The following SOD2 variants were observed in gnomAD, a reference collection of about 807,000 sequenced individuals.
The protein encoded by SOD2 is superoxide dismutase 2, also known as superoxide dismutase [Mn], mitochondrial.
Under a neutral mutation model 27.0 loss-of-function variants are expected in SOD2, and 11 were observed. The ratio of observed to expected loss-of-function variants is 0.41; its 90% CI spans 0.26 to 0.67. The LOEUF is 0.67. SOD2 is among the 30% of genes least tolerant of loss of function. The pLI, the probability that SOD2 is intolerant of heterozygous loss-of-function variation, is 0.34. For synonymous variants in SOD2, 105 were observed against 103.0 expected (o/e 1.02, Z -0.12); for missense variants, 250 against 274.5 (o/e 0.91, Z 0.63).
At chr6:159,715,982 TA>T (rs1777916220) in intron 1 of SOD2, among the ~76,000 whole-genome samples, 1 of 152,232 alleles carries the variant, frequency 6.6e-6, no homozygotes, top group Admixed American at 6.5e-5. Context: ...TTTTGTCTTA[TA>T]AAAGTTTGGT....
chr6:159,750,816 AT>A (rs1282667727), intron 1 of SOD2, among the ~76,000 whole-genome samples: 1 of 147,708 alleles, frequency 6.8e-6, no homozygotes. Flanking sequence ...TACATCACTA[AT>A]TTGAAACAAA....
intron 1 of SOD2, among the ~76,000 whole-genome samples, chr6:159,759,023 A>C (rs1301516265): frequency 6.6e-6 from 1 of 151,698 alleles, no homozygotes; most frequent in Non-Finnish European, 1.5e-5. Context: ...CAGTCCAGGT[A>C]GTTTATGATT....
exon 1 of SOD2, chr6:159,727,177 GA>G: frequency 8.3e-7 from 1 of 1,206,604 alleles, no homozygotes; most frequent in Non-Finnish European, 1.1e-6. Context: ...AGGCTCCTGG[GA>G]AAGGACGGGG....
In SOD2 at chr6:159,713,354, C is replaced by G; in HGVS notation, c.-116+13775G>C. On this transcript the variant is annotated intron_variant, in intron 1 of 2. Transcript: ENST00000401980. Reference sequence around the variant, plus strand: ...GCCAATGCTATTACACCTCAGCCAGCCCCTGGCCTATCACTGGGACCTGGC... The same window carrying G: ...GCCAATGCTATTACACCTCAGCCAGGCCCTGGCCTATCACTGGGACCTGGC... 1.7e-5 allele frequency: 11 copies of G among 653,900 alleles called. 1 individual carries two copies. In the South Asian group the frequency reaches 2.1e-4, roughly 12 times the overall value. The allele number at this position is 653,900 out of a possible 1,614,324, so 40.5% of individuals were successfully genotyped here.
At position 159,681,094 on chromosome 6, in the gene SOD2, C is replaced by T. The variant is rs1049337773; in HGVS notation, c.*1399G>A. ...GTAAATTAGGCAGATGATGAAACAA[C>T]ATGGCAAATGTATGATGCTAAGCCA... On this transcript the variant is annotated 3_prime_UTR_variant, in exon 5 of 5. Transcript: ENST00000538183. 4 of 152,132 alleles carry T rather than the reference C, an allele frequency of 2.6e-5. No homozygotes were observed. Among genetic ancestry groups the T allele is most frequent in the African/African-American group, 7.2e-5 (3 of 41,500 alleles). 9.4% of individuals were successfully genotyped at this position (152,132 alleles called of 1,614,324 possible).
intron 3 of SOD2, among the ~76,000 whole-genome samples, chr6:159,685,505 G>T (rs1424191280): frequency 2.6e-5 from 4 of 152,104 alleles, no homozygotes; most frequent in Non-Finnish European, 4.4e-5. Flanking sequence ...GCCTCCCAAA[G>T]TGCTGGGAAT....
intron 1 of SOD2, chr6:159,713,644 G>A: frequency 9.8e-7 from 1 of 1,023,976 alleles, no homozygotes; most frequent in South Asian, 1.3e-5. Flanking sequence ...CCAAATGGAA[G>A]TCCTCTAAGC....
chr6:159,757,813 G>A (rs1156728385), intron 1 of SOD2, among the ~76,000 whole-genome samples: 1 of 152,192 alleles, frequency 6.6e-6, no homozygotes, highest in African/African-American at 2.4e-5. Flanking sequence ...ATCAGATACT[G>A]TGTTTGGCTT....
At chr6:159,730,467 A>G (rs770179734), upstream of SOD2, among the ~76,000 whole-genome samples, 10 of 152,202 alleles carry the variant, frequency 6.6e-5, no homozygotes, top group Non-Finnish European at 1.3e-4. Flanking sequence ...GCCCTGGGGA[A>G]TACCAAACTT....
chr6:159,731,343 C>T (rs946565711), upstream of SOD2, among the ~76,000 whole-genome samples: 1 of 151,862 alleles, frequency 6.6e-6, no homozygotes, highest in African/African-American at 2.4e-5. Context: ...TGGTTCATGC[C>T]TGTGATCCCA....
chr6:159,754,998 T>G, intron 1 of SOD2: 1 of 1,561,590 alleles, frequency 6.4e-7, no homozygotes, highest in Non-Finnish European at 8.7e-7. Context: ...ATAAACGATA[T>G]TAAAGTTGGT....
chr6:159,751,136 AACT>A (rs1454039099), intron 1 of SOD2, among the ~76,000 whole-genome samples: 1 of 152,176 alleles, frequency 6.6e-6, no homozygotes, highest in Non-Finnish European at 1.5e-5. Context: ...TTTCAAAAAC[AACT>A]ACTTGTAATT....
At position 159,712,002 on chromosome 6, in the gene SOD2, T is replaced by A. The variant is rs566422930; in HGVS notation, c.-116+15127A>T. ...ACCACTCACACTGCTCAGACCTCCATAACCACCTCCATAACCACCACTCAC... is the reference window on the plus strand; with the variant it reads ...ACCACTCACACTGCTCAGACCTCCAAAACCACCTCCATAACCACCACTCAC... On this transcript the variant is annotated intron_variant, in intron 1 of 2. Transcript: ENST00000401980. Among the ~76,000 whole-genome samples the A allele has an allele frequency of 9.4e-3, 728 of 77,632 alleles. 95 individuals are homozygous for A. The highest frequency in any genetic ancestry group is 0.037 in the African/African-American group (679 of 18,330). 50.9% of individuals were successfully genotyped at this position (77,632 alleles called of 152,430 possible). A position where few individuals can be genotyped will look rare whatever the true frequency, so the allele number is the denominator to read the frequency against.
rs757781865 is a variant in SOD2, at chr6:159,682,509, A to G, written c.653T>C (p.Met218Thr). Residue 218 changes from methionine to threonine, a missense_variant, in exon 5 of 5, where the codon ATG becomes ACG. Transcript: ENST00000538183. ...GATCGTGGTTTACTTTTTGCAAGCC[A>G]TGTATCTTTCAGTTACATTCTCCCA... Reference protein sequence around the residue: ...INWENVTERYMACKK With the variant: ...INWENVTERYTACKK The G allele has an allele frequency of 1.2e-6, 2 of 1,613,276 alleles. No individual in the cohort carries two copies. Among genetic ancestry groups the G allele is most frequent in the African/African-American group, 2.7e-5 (2 of 74,880 alleles).
At chr6:159,742,129 A>G (rs746348228) in intron 1 of SOD2, 3 of 1,608,362 alleles carry the variant, frequency 1.9e-6, no homozygotes, top group East Asian at 2.2e-5. Context: ...TTGGAGGGCA[A>G]GTACACAGAT....
intron 1 of SOD2, chr6:159,739,081 A>C: frequency 6.6e-7 from 1 of 1,514,140 alleles, no homozygotes; most frequent in Non-Finnish European, 9.2e-7. Flanking sequence ...AAGTCTTTCT[A>C]TAGAACATTA....
At chr6:159,683,482 C>G (rs1484380146) in intron 4 of SOD2, among the ~76,000 whole-genome samples, 1 of 152,190 alleles carries the variant, frequency 6.6e-6, no homozygotes, top group Admixed American at 6.5e-5. Flanking sequence ...GAGACTCCAT[C>G]ACGCACACAC....
chr6:159,746,802 G>T (rs940376255), upstream of SOD2, among the ~76,000 whole-genome samples: 2 of 152,112 alleles, frequency 1.3e-5, no homozygotes, highest in African/African-American at 4.8e-5. Flanking sequence ...ACTTTACTCA[G>T]TGTTCTCTTC....
At chr6:159,697,034 GACACAC>G (rs35334577), upstream of SOD2, among the ~76,000 whole-genome samples, 3,833 of 132,686 alleles carry the variant, frequency 0.029, 96 homozygotes, top group African/African-American at 0.068. Flanking sequence ...AGGAGACCCT[GACACAC>G]ACACACACAC....
Sources: allele counts gnomAD v4.1 joint callset (sites outside exome capture counted in the v4.1 genomes callset), GRCh38; gene constraint gnomAD v4.1.1; transcripts MANE v1.5; gene names NCBI Gene and HGNC (gene_info 2026-07-23, HGNC 2026-07-21).